Variants in KLHL36 observed in about 807,000 individuals in gnomAD.
The protein encoded by KLHL36 is kelch like family member 36.
In KLHL36, 35 loss-of-function variants were observed where a neutral mutation model predicts 53.3. The ratio of observed to expected loss-of-function variants is 0.66; its 90% CI spans 0.50 to 0.87. KLHL36 has a LOEUF of 0.87. KLHL36 is among the 40% of genes least tolerant of loss of function. The pLI, the probability that KLHL36 is intolerant of heterozygous loss-of-function variation, is 0.00. For missense variants in KLHL36, 864 were observed against 897.6 expected (o/e 0.96, Z 0.48); for synonymous variants, 472 against 398.9 (o/e 1.18, Z -2.18).
At chr16:84,655,547 T>A (rs1033668321) in intron 2 of KLHL36, among the ~76,000 whole-genome samples, 9 of 151,364 alleles carry the variant, frequency 5.9e-5, no homozygotes, top group African/African-American at 7.3e-5. Context: ...TACAAAAAAA[T>A]TTTAAAATTA....
intron 2 of KLHL36, among the ~76,000 whole-genome samples, chr16:84,652,127 T>G (rs1230374147): frequency 1.3e-5 from 2 of 152,204 alleles, no homozygotes; most frequent in Non-Finnish European, 2.9e-5. Flanking sequence ...GGGCTTTGTT[T>G]GGGAGCTTAG....
At position 84,659,805 on chromosome 16, in the gene KLHL36, A is replaced by C; in HGVS notation, c.1183A>C (p.Ile395Leu). 6.2e-7 allele frequency: 1 copy of C among 1,614,162 alleles called. No individual in the cohort carries two copies. The highest frequency in any genetic ancestry group is 8.5e-7 in the Non-Finnish European group (1 of 1,180,024). ...CCGTGTGGATTTCTACCTTGCCTCCATCGAAGACATGCTGGTGGCCATCGG... is the reference window on the plus strand; with the variant it reads ...CCGTGTGGATTTCTACCTTGCCTCCCTCGAAGACATGCTGGTGGCCATCGG... ...QRRVDFYLAS[I>L]EDMLVAIGGR... Residue 395 changes from isoleucine (I) to leucine (L), a missense_variant, in exon 4 of 5, where the codon ATC (isoleucine) becomes CTC (leucine). Physicochemically the swap from Ile to Leu is conservative, Grantham distance 5. Transcript: ENST00000564996.
At chr16:84,653,609 G>A (rs557131625) in intron 2 of KLHL36, among the ~76,000 whole-genome samples, 2 of 152,200 alleles carry the variant, frequency 1.3e-5, no homozygotes, top group African/African-American at 2.4e-5. Flanking sequence ...TATATATGCC[G>A]GGAGTGGTGG....
At position 84,657,529 on chromosome 16, in the gene KLHL36, C is replaced by G. The variant is rs1365972489; in HGVS notation, c.722C>G (p.Pro241Arg). ...VLENIHFPLI[P>R]KNDLLHRVKP... is the part of the protein sequence containing the mutation. ...GAGAACATCCACTTCCCGCTCATCC[C>G]CAAGAACGACCTGCTGCACCGCGTC... The change falls in exon 3 of 5, where the codon CCC becomes CGC. Residue 241 changes from proline (P) to arginine (R), a missense_variant. Physicochemically the swap from Pro to Arg is moderately radical, Grantham distance 103. Coordinates refer to ENST00000564996, the MANE Select transcript of KLHL36 (RefSeq NM_024731.4). 1 of 1,610,174 alleles carries G rather than the reference C, an allele frequency of 6.2e-7. No homozygotes were observed. Among genetic ancestry groups the G allele is most frequent in the Non-Finnish European group, 8.5e-7 (1 of 1,179,894 alleles).
chr16:84,654,057 A>G (rs1907061303), intron 2 of KLHL36, among the ~76,000 whole-genome samples: 1 of 152,016 alleles, frequency 6.6e-6, no homozygotes, highest in African/African-American at 2.4e-5. Context: ...GCAGCCGTTC[A>G]CTGGGGCTTT....
chr16:84,653,060 T>C (rs1177530202), intron 2 of KLHL36, among the ~76,000 whole-genome samples: 1 of 151,986 alleles, frequency 6.6e-6, no homozygotes, highest in African/African-American at 2.4e-5. Flanking sequence ...CTACAAAAGA[T>C]ACAAAAATTA....
rs1906619179 is a variant in KLHL36, at chr16:84,648,809, G to T, written c.-17+160G>T. 8 of 149,856 alleles carry T rather than the reference G, an allele frequency of 5.3e-5. No individual in the cohort carries two copies. Among genetic ancestry groups the T allele is most frequent in the Admixed American group, 5.3e-4 (8 of 15,074 alleles). 9.3% of individuals were successfully genotyped at this position (149,856 alleles called of 1,614,324 possible). ...GGGGCGGGCGGGTGGGCGAGTGGGG[G>T]CGCCGCGGCCGGGGGAGGGGCCGCC... On this transcript the variant is annotated intron_variant, in intron 1 of 4. Transcript: ENST00000564996. This position sits in a 1 kb window ranked among gnomAD's most constrained non-coding sequence, Gnocchi z 4.9.
In KLHL36 at chr16:84,659,846, C is replaced by T. The variant is rs755384030; in HGVS notation, c.1224C>T (p.Asn408=). The change falls in exon 4 of 5, where the codon AAC becomes AAT. Residue 408 remains asparagine (N), a synonymous_variant. Coordinates refer to ENST00000564996, the MANE Select transcript of KLHL36 (RefSeq NM_024731.4). ...MLVAIGGRNE[N]GALSSVETYS... is the part of the protein sequence containing the mutation. ...TGGCCATCGGCGGCCGGAATGAGAA[C>T]GGAGCGCTCTCTTCAGTAGAGACGT... 52 of 1,613,994 alleles carry T rather than the reference C, an allele frequency of 3.2e-5. 1 individual carries two copies. The Middle Eastern group carries it at 4.9e-4, about 15-fold the overall frequency.
Position 84,661,604 on chromosome 16 carries a change from T to C in KLHL36, c.1322T>C (p.Ile441Thr). Residue 441 changes from isoleucine (I) to threonine (T), a missense_variant, in exon 5 of 5, where the codon ATC becomes ACC. Ile to Thr is a moderately conservative substitution (Grantham distance 89). Coordinates refer to ENST00000564996, the MANE Select transcript of KLHL36 (RefSeq NM_024731.4). This position sits in a 1 kb window ranked among gnomAD's most constrained non-coding sequence, Gnocchi z 7.9. ...PRFTYGHAGT[I>T]YKDFVYISGG... Reference sequence around the variant, plus strand: ...TTCACGTACGGCCACGCGGGCACCATCTACAAAGACTTCGTGTACATCTCG... The same window carrying C: ...TTCACGTACGGCCACGCGGGCACCACCTACAAAGACTTCGTGTACATCTCG... The C allele has an allele frequency of 6.2e-7, 1 of 1,604,188 alleles. No homozygotes were observed. The highest frequency in any genetic ancestry group is 1.1e-5 in the South Asian group (1 of 90,698).
At position 84,657,175 on chromosome 16, in the gene KLHL36, C is replaced by A; in HGVS notation, c.368C>A (p.Ala123Asp). Residue 123 changes from alanine to aspartate, a missense_variant, in exon 3 of 5, where the codon GCT becomes GAT. Ala to Asp is a moderately radical substitution (Grantham distance 126, BLOSUM62 -2). Coordinates refer to ENST00000564996, the MANE Select transcript of KLHL36 (RefSeq NM_024731.4). ...GGNIDYVLET[A>D]HLLQIWTVVD... ...AACATTGACTACGTCCTGGAGACGGCTCACCTGCTGCAGATCTGGACGGTG... is the reference window on the plus strand; with the variant it reads ...AACATTGACTACGTCCTGGAGACGGATCACCTGCTGCAGATCTGGACGGTG... 6.2e-7 allele frequency: 1 copy of A among 1,614,174 alleles called. No homozygotes were observed. Among genetic ancestry groups the A allele is most frequent in the South Asian group, 1.1e-5 (1 of 91,084 alleles).
intron 4 of KLHL36, among the ~76,000 whole-genome samples, chr16:84,660,574 G>A (rs8053324): frequency 0.23 from 35,335 of 152,134 alleles, 5,029 homozygotes; most frequent in Non-Finnish European, 0.32. Context: ...CTTTGCTGTG[G>A]AATACATCCA....
Position 84,661,473 on chromosome 16 carries a change from A to G in KLHL36, c.1296-105A>G. Reference sequence around the variant, plus strand: ...TGGGGTGCCCACTCCCTATATTCTTAAATCCTCATGGCCCTCTAAGACGGC... The same window carrying G: ...TGGGGTGCCCACTCCCTATATTCTTGAATCCTCATGGCCCTCTAAGACGGC... On this transcript the variant is annotated intron_variant, in intron 4 of 4. Coordinates refer to ENST00000564996, the MANE Select transcript of KLHL36 (RefSeq NM_024731.4). The surrounding 1 kb of genome is among the most constrained non-coding windows in gnomAD (Gnocchi z 7.9). 1.7e-6 allele frequency: 2 copies of G among 1,161,606 alleles called. No homozygotes were observed. Among genetic ancestry groups the G allele is most frequent in the Admixed American group, 2.3e-5 (1 of 43,606 alleles). The allele number at this position is 1,161,606 out of a possible 1,614,324, so 72.0% of individuals were successfully genotyped here. A position where few individuals can be genotyped will look rare whatever the true frequency, so the allele number is the denominator to read the frequency against.
intron 2 of KLHL36, among the ~76,000 whole-genome samples, chr16:84,656,343 C>T (rs2150723418): frequency 6.6e-6 from 1 of 150,736 alleles, no homozygotes; most frequent in East Asian, 2.0e-4. Context: ...GCTCTTGGCT[C>T]ACTGCAACCT....
chr16:84,653,724 C>T (rs1471410770), intron 2 of KLHL36, among the ~76,000 whole-genome samples: 1 of 151,786 alleles, frequency 6.6e-6, no homozygotes, highest in Non-Finnish European at 1.5e-5. Context: ...CCGGTAGTCC[C>T]AGCTACTCAG....
In KLHL36 at chr16:84,662,003, A is replaced by G. The variant is rs1907587410; in HGVS notation, c.1721A>G (p.Lys574Arg). 6.3e-7 allele frequency: 1 copy of G among 1,593,886 alleles called. No homozygotes were observed. The highest frequency in any genetic ancestry group is 1.1e-5 in the South Asian group (1 of 88,018). ...CAGGTGTACGACCGCGAGGCCGACA[A>G]GTGGAGCAGGGGCGTCGACCTGCCC... ...TVQVYDREAD[K>R]WSRGVDLPKA... Residue 574 changes from lysine (K) to arginine (R), a missense_variant, in exon 5 of 5, where the codon AAG becomes AGG. Coordinates refer to ENST00000564996, the MANE Select transcript of KLHL36 (RefSeq NM_024731.4).
In KLHL36 at chr16:84,659,503, G is replaced by A. The variant is rs1394138203; in HGVS notation, c.1138-257G>A. The A allele has an allele frequency of 9.2e-6, 4 of 436,082 alleles. No homozygotes were observed. In the South Asian group the frequency reaches 1.0e-4, roughly 11 times the overall value. 27.0% of individuals were successfully genotyped at this position (436,082 alleles called of 1,614,324 possible). ...AACGACATGACCAGAGAAGTTCGGGGGTTCAGAGCATCTCCATCCCCCTTT... is the reference window on the plus strand; with the variant it reads ...AACGACATGACCAGAGAAGTTCGGGAGTTCAGAGCATCTCCATCCCCCTTT... On this transcript the variant is annotated intron_variant, in intron 3 of 4. Transcript: ENST00000564996.
Position 84,665,214 on chromosome 16 carries a change from A to G in KLHL36, c.*3081A>G, listed in dbSNP as rs1211702643. ...ATCATGTTAAACTTTCAGTGTTTCA[A>G]GCTATTCTGCTTGAATTTTGAAGAC... On this transcript the variant is annotated 3_prime_UTR_variant, in exon 5 of 5. Coordinates refer to ENST00000564996, the MANE Select transcript of KLHL36 (RefSeq NM_024731.4). 1 of 151,488 alleles carries G rather than the reference A, an allele frequency of 6.6e-6. No homozygotes were observed. The highest frequency in any genetic ancestry group is 2.4e-5 in the African/African-American group (1 of 41,182). 9.4% of individuals were successfully genotyped at this position (151,488 alleles called of 1,614,324 possible).
chr16:84,657,429 C>T lies in KLHL36; in HGVS notation c.622C>T (p.His208Tyr). The change falls in exon 3 of 5, where the codon CAC becomes TAC. Residue 208 changes from histidine to tyrosine, a missense_variant. Physicochemically the swap from His to Tyr is moderately conservative, Grantham distance 83 (BLOSUM62 2). Coordinates refer to ENST00000564996, the MANE Select transcript of KLHL36 (RefSeq NM_024731.4). Reference protein sequence around the residue: ...SSSEVQRECEHDLLQAALQWL... With the variant: ...SSSEVQRECEYDLLQAALQWL... Reference sequence around the variant, plus strand: ...CAGCGAGGTGCAGCGGGAGTGTGAGCACGACCTCCTGCAGGCCGCCCTGCA... The same window carrying T: ...CAGCGAGGTGCAGCGGGAGTGTGAGTACGACCTCCTGCAGGCCGCCCTGCA... 6.2e-7 allele frequency: 1 copy of T among 1,605,996 alleles called. No individual in the cohort carries two copies. Among genetic ancestry groups the T allele is most frequent in the Non-Finnish European group, 8.5e-7 (1 of 1,179,958 alleles).
In KLHL36 at chr16:84,665,202, T is replaced by C. The variant is rs883135; in HGVS notation, c.*3069T>C. 18 of 151,666 alleles carry C rather than the reference T, an allele frequency of 1.2e-4. No individual in the cohort carries two copies. The highest frequency in any genetic ancestry group is 3.9e-4 in the African/African-American group (16 of 41,344). 9.4% of individuals were successfully genotyped at this position (151,666 alleles called of 1,614,324 possible). On this transcript the variant is annotated 3_prime_UTR_variant, in exon 5 of 5. Coordinates refer to ENST00000564996, the MANE Select transcript of KLHL36 (RefSeq NM_024731.4). Reference sequence around the variant, plus strand: ...GCCACACATGTCATCATGTTAAACTTTCAGTGTTTCAAGCTATTCTGCTTG... The same window carrying C: ...GCCACACATGTCATCATGTTAAACTCTCAGTGTTTCAAGCTATTCTGCTTG...
Sources: gnomAD v4.1 joint callset for allele counts (sites outside exome capture counted in the v4.1 genomes callset) on GRCh38, gnomAD v4.1.1 for gene constraint, Gnocchi (gnomAD v3.1) non-coding constraint, MANE v1.5 for transcripts, NCBI Gene and HGNC (gene_info 2026-07-23, HGNC 2026-07-21) for gene names.